The following FARS2 variants were observed in gnomAD, a reference collection of about 807,000 sequenced individuals.
FARS2 encodes the protein phenylalanine--tRNA ligase, mitochondrial.
In FARS2, 40 loss-of-function variants were observed where a neutral mutation model predicts 46.4. The observed-to-expected ratio is 0.86, with a 90% confidence interval of 0.67 to 1.12. The LOEUF (loss-of-function observed/expected upper bound fraction) is 1.12, where lower values mean the gene tolerates loss of function less well. FARS2 is among the 50% of genes most tolerant of loss of function. The probability of loss-of-function intolerance (pLI) is 0.00; values close to 1 mark genes in which losing one functional copy is unlikely to be tolerated. For missense variants in FARS2, 513 were observed against 567.9 expected, an observed-to-expected ratio of 0.90 and a Z score of 0.98; for synonymous variants, 234 against 214.9, an observed-to-expected ratio of 1.09 and a Z score of -0.78.
chr6:5,365,017 C>A (rs1758557086), intron 1 of FARS2, among the ~76,000 whole-genome samples: 1 of 151,800 alleles, frequency 6.6e-6, no homozygotes, highest in Non-Finnish European at 1.5e-5. Context: ...CCACTGCACT[C>A]CAGCCTGGGT....
chr6:5,614,451 C>G (rs1470927825), intron 6 of FARS2, among the ~76,000 whole-genome samples: 1 of 150,882 alleles, frequency 6.6e-6, no homozygotes, highest in Non-Finnish European at 1.5e-5. Context: ...GCTCTGTCGC[C>G]CAGGCTGGAG....
chr6:5,600,616 C>T (rs909340752), intron 5 of FARS2, among the ~76,000 whole-genome samples: 3 of 152,144 alleles, frequency 2.0e-5, no homozygotes, highest in African/African-American at 7.2e-5. Context: ...AACAAAGTAA[C>T]TGATAGTGCA....
At position 5,495,913 on chromosome 6, in the gene FARS2, A is replaced by G. The variant is rs142450656; in HGVS notation, c.905-49267A>G. Among the ~76,000 whole-genome samples, 205 of 152,352 alleles carry G rather than the reference A, an allele frequency of 1.3e-3. 4 individuals carry two copies. In the East Asian group the frequency reaches 0.03, roughly 22 times the overall value. ...TGCAGGGCTGATGGACCATGATCCT[A>G]TAAAATATTCAGTATCACGATGCCC... On this transcript the variant is annotated intron_variant, in intron 4 of 6. Coordinates refer to ENST00000274680, the MANE Select transcript of FARS2 (RefSeq NM_006567.5).
chr6:5,762,861 C>T (rs1561843003), intron 6 of FARS2, among the ~76,000 whole-genome samples: 1 of 152,134 alleles, frequency 6.6e-6, no homozygotes, highest in Non-Finnish European at 1.5e-5. Flanking sequence ...CAGCAGGGAG[C>T]GGCAACACTG....
At chr6:5,484,849 A>G (rs1184573882) in intron 4 of FARS2, among the ~76,000 whole-genome samples, 5 of 152,174 alleles carry the variant, frequency 3.3e-5, no homozygotes, top group Admixed American at 2.6e-4. Context: ...GTGCAGCTGA[A>G]GGCCAGGCAG....
intron 6 of FARS2, among the ~76,000 whole-genome samples, chr6:5,660,954 C>T (rs996916523): frequency 3.9e-5 from 6 of 152,170 alleles, no homozygotes; most frequent in South Asian, 2.1e-4. Flanking sequence ...GAATGTCACA[C>T]GATCAGATTT....
intron 6 of FARS2, among the ~76,000 whole-genome samples, chr6:5,616,502 T>G (rs1775486792): frequency 6.6e-6 from 1 of 152,224 alleles, no homozygotes; most frequent in South Asian, 2.1e-4. Context: ...AGTTTGGATC[T>G]TCTCAGATGT....
chr6:5,675,465 G>A (rs1170030507), intron 6 of FARS2, among the ~76,000 whole-genome samples: 2 of 152,196 alleles, frequency 1.3e-5, no homozygotes, highest in African/African-American at 4.8e-5. Context: ...TGGTATCAGT[G>A]TAGTATTGTC....
chr6:5,359,864 TTCCTGCCTTGAGGGC>T (rs1758192000), intron 1 of FARS2, among the ~76,000 whole-genome samples: 1 of 152,258 alleles, frequency 6.6e-6, no homozygotes, highest in Non-Finnish European at 1.5e-5. Flanking sequence ...GAGCTGCAGC[TTCCTGCCTTGAGGGC>T]TCGTCTTTTG....
chr6:5,677,026 C>A (rs79382407), intron 6 of FARS2, among the ~76,000 whole-genome samples: 2 of 152,170 alleles, frequency 1.3e-5, no homozygotes, highest in Non-Finnish European at 2.9e-5. Context: ...CAATTCAGAG[C>A]CATATGTGTA....
chr6:5,588,418 T>G (rs896770849), intron 5 of FARS2, among the ~76,000 whole-genome samples: 1 of 152,154 alleles, frequency 6.6e-6, no homozygotes, highest in African/African-American at 2.4e-5. Context: ...GTAGACAAAT[T>G]GTTCAGATTA....
chr6:5,614,806 C>A (rs1454403483), intron 6 of FARS2, among the ~76,000 whole-genome samples: 1 of 152,204 alleles, frequency 6.6e-6, no homozygotes, highest in African/African-American at 2.4e-5. Context: ...TGAAGTTCAT[C>A]ATCTAGAATT....
chr6:5,531,469 T>C (rs1769827661), intron 4 of FARS2, among the ~76,000 whole-genome samples: 1 of 152,148 alleles, frequency 6.6e-6, no homozygotes, highest in Non-Finnish European at 1.5e-5. Flanking sequence ...CAAAGTGAGT[T>C]TTTTTGAGAT....
At chr6:5,709,750 G>A (rs548730530) in intron 6 of FARS2, among the ~76,000 whole-genome samples, 11 of 151,426 alleles carry the variant, frequency 7.3e-5, no homozygotes, top group Admixed American at 2.6e-4. Context: ...GTGTGTGCGC[G>A]CGCGCGTGTG....
intron 4 of FARS2, among the ~76,000 whole-genome samples, chr6:5,517,422 G>A (rs1768873005): frequency 6.6e-6 from 1 of 152,094 alleles, no homozygotes. Flanking sequence ...AAACCAGCCT[G>A]GCCAATATGG....
At chr6:5,514,636 T>A (rs1301121768) in intron 4 of FARS2, among the ~76,000 whole-genome samples, 1 of 152,212 alleles carries the variant, frequency 6.6e-6, no homozygotes, top group East Asian at 1.9e-4. Context: ...AAGAGAATTT[T>A]CTCTGAAATT....
chr6:5,272,885 G>A lies in FARS2; in HGVS notation c.-22+11225G>A, dbSNP rs529990930. Among the ~76,000 whole-genome samples, 83 of 152,112 alleles carry A rather than the reference G, an allele frequency of 5.5e-4. 1 individual carries two copies. In the Middle Eastern group the frequency reaches 0.02, roughly 37 times the overall value. On this transcript the variant is annotated intron_variant, in intron 1 of 6. Coordinates refer to ENST00000274680, the MANE Select transcript of FARS2 (RefSeq NM_006567.5). Reference sequence around the variant, plus strand: ...CCATGAGATTCACTTTTTTAGCTCCGACATACGAGTAAGAACATATGGTAT... The same window carrying A: ...CCATGAGATTCACTTTTTTAGCTCCAACATACGAGTAAGAACATATGGTAT...
At chr6:5,475,313 G>T (rs1766059207) in intron 4 of FARS2, among the ~76,000 whole-genome samples, 1 of 152,188 alleles carries the variant, frequency 6.6e-6, no homozygotes, top group African/African-American at 2.4e-5. Flanking sequence ...AAGAATGTGG[G>T]CGTAGTACTA....
At chr6:5,682,384 A>G (rs1310469676) in intron 6 of FARS2, among the ~76,000 whole-genome samples, 1 of 152,242 alleles carries the variant, frequency 6.6e-6, no homozygotes, top group Non-Finnish European at 1.5e-5. Context: ...ACCAGACACT[A>G]TGCAAGACCC....
Sources: gnomAD v4.1 joint callset for allele counts (sites outside exome capture counted in the v4.1 genomes callset) on GRCh38, gnomAD v4.1.1 for gene constraint, MANE v1.5 for transcripts, NCBI Gene and HGNC (gene_info 2026-07-23, HGNC 2026-07-21) for gene names.